CCDC62: variants seen among roughly 807,000 people sequenced by gnomAD.
The protein encoded by CCDC62 is coiled-coil domain-containing protein 62.
A neutral mutation model predicts 80.8 loss-of-function variants in CCDC62; 72 were observed. That is an observed-to-expected ratio of 0.89 (90% CI 0.74 to 1.08). The LOEUF is 1.08. Among genes scored for constraint, CCDC62 ranks in the 50% least tolerant of loss-of-function variants. CCDC62 has a pLI of 0.00. For missense variants in CCDC62, 704 were observed against 809.4 expected (o/e 0.87, Z 1.58); for synonymous variants, 286 against 296.5 (o/e 0.96, Z 0.36).
Position 122,785,746 on chromosome 12 carries a change from T to G in CCDC62, c.424T>G (p.Leu142Val). The G allele has an allele frequency of 6.2e-7, 1 of 1,613,794 alleles. No individual in the cohort carries two copies. The highest frequency in any genetic ancestry group is 8.5e-7 in the Non-Finnish European group (1 of 1,179,696). Residue 142 changes from leucine to valine, a missense_variant, in exon 4 of 13, where the codon TTA becomes GTA. Transcript: ENST00000253079. ...EARNETLSNT[L>V]VELSAQVGQL... ...TAGAAACGAAACTCTCAGCAACACGTTAGTGGAACTTTCTGCCCAGGTAGG... is the reference window on the plus strand; with the variant it reads ...TAGAAACGAAACTCTCAGCAACACGGTAGTGGAACTTTCTGCCCAGGTAGG...
intron 11 of CCDC62, among the ~76,000 whole-genome samples, chr12:122,822,058 TAA>T (rs1491357917): frequency 2.7e-4 from 5 of 18,316 alleles, no homozygotes; most frequent in Admixed American, 9.7e-4. Context: ...TCTATAAATT[TAA>T]ACACACACAC....
chr12:122,804,892 T>C (rs987035036), intron 9 of CCDC62, among the ~76,000 whole-genome samples: 25 of 150,842 alleles, frequency 1.7e-4, no homozygotes, highest in South Asian at 1.1e-3. Context: ...ATTTTTTTTT[T>C]TTTTTTTTTG....
chr12:122,813,294 G>A lies in CCDC62; in HGVS notation c.1876G>A (p.Asp626Asn). The A allele has an allele frequency of 6.2e-7, 1 of 1,613,088 alleles. No homozygotes were observed. The highest frequency in any genetic ancestry group is 8.5e-7 in the Non-Finnish European group (1 of 1,179,488). The change falls in exon 11 of 13, where the codon GAT (aspartate) becomes AAT (asparagine). Residue 626 changes from aspartate (D) to asparagine (N), a missense_variant. Transcript: ENST00000253079. ...GGCTTCAATTGTGTTACCCTCCCAG[G>A]ATGATTTCTCGCCCACGAGCAAGCT... ...EKASIVLPSQ[D>N]DFSPTSKLQR...
intron 1 of CCDC62, 34 bp downstream of exon 1, chr12:122,774,740 C>T (rs1436887792): frequency 1.6e-6 from 2 of 1,241,544 alleles, no homozygotes; most frequent in African/African-American, 1.6e-5. Context: ...CGGGGCGCCG[C>T]GGGAACGGTG....
chr12:122,789,209 C>G (rs1471504837), intron 5 of CCDC62, among the ~76,000 whole-genome samples: 3 of 152,148 alleles, frequency 2.0e-5, no homozygotes, highest in Non-Finnish European at 4.4e-5. Context: ...TGCTTTGTGG[C>G]AGACAACATC....
intron 2 of CCDC62, among the ~76,000 whole-genome samples, 196 bp from the exon 3 acceptor site, chr12:122,780,968 T>TCC (rs982449999): frequency 2.6e-5 from 4 of 152,186 alleles, no homozygotes; most frequent in African/African-American, 4.8e-5. Flanking sequence ...GGAAGTGACC[T>TCC]CCAGAGGCTT....
intron 10 of CCDC62, among the ~76,000 whole-genome samples, chr12:122,810,962 T>C (rs920633063): frequency 5.5e-5 from 8 of 146,744 alleles, no homozygotes; most frequent in African/African-American, 7.8e-5. Flanking sequence ...TAGGTGGGAA[T>C]TGAACAATGA....
chr12:122,818,158 A>G (rs2032245612), intron 11 of CCDC62, among the ~76,000 whole-genome samples: 1 of 152,112 alleles, frequency 6.6e-6, no homozygotes, highest in Non-Finnish European at 1.5e-5. Context: ...AAATTCAAAA[A>G]TTAGCTGGAT....
At chr12:122,825,575 C>T (rs1250702055) in intron 12 of CCDC62, among the ~76,000 whole-genome samples, 18 of 141,228 alleles carry the variant, frequency 1.3e-4, no homozygotes, top group African/African-American at 4.7e-4. Context: ...AGGCTGGTCT[C>T]GAACTCCTGA....
At chr12:122,792,174 C>G (rs1347865688) in intron 6 of CCDC62, 53 bp downstream of exon 6, 14 of 1,053,328 alleles carry the variant, frequency 1.3e-5, no homozygotes, top group Non-Finnish European at 2.1e-5. Flanking sequence ...TGATGACAGG[C>G]TGAAGGAATT....
chr12:122,796,008 G>C lies in CCDC62; in HGVS notation c.773-1299G>C, dbSNP rs2030932242. Among the ~76,000 whole-genome samples, 7 of 152,262 alleles carry C rather than the reference G, an allele frequency of 4.6e-5. No homozygotes were observed. The South Asian group carries it at 1.5e-3, about 32-fold the overall frequency. On this transcript the variant is annotated intron_variant, in intron 6 of 12. Coordinates refer to ENST00000253079, the MANE Select transcript of CCDC62 (RefSeq NM_201435.5). ...TTTCTGTGGCCAACTTGTGAAAATAGTCAGACCCAATCCACTTTGATCTCT... is the reference window on the plus strand; with the variant it reads ...TTTCTGTGGCCAACTTGTGAAAATACTCAGACCCAATCCACTTTGATCTCT...
intron 11 of CCDC62, among the ~76,000 whole-genome samples, chr12:122,820,835 T>G (rs2032377191): frequency 2.1e-5 from 1 of 48,282 alleles, no homozygotes; most frequent in South Asian, 5.9e-4. Flanking sequence ...AGCAAGACTC[T>G]GTCTCAAAAA....
intron 2 of CCDC62, among the ~76,000 whole-genome samples, chr12:122,780,614 A>AAAAATAAAATAAAATAAAATAAAAT (rs57578843): frequency 2.2e-5 from 3 of 136,470 alleles, no homozygotes; most frequent in African/African-American, 5.7e-5. Context: ...ACTCTGTCTC[A>AAAAATAAAATAAAATAAAATAAAAT]AAAATAAAAT....
At chr12:122,798,239 A>C (rs2031084705) in intron 8 of CCDC62, 39 bp downstream of exon 8, 1 of 970,770 alleles carries the variant, frequency 1.0e-6, no homozygotes, top group Admixed American at 1.8e-5. Context: ...ATCTTGTATT[A>C]TATTCCATCA....
intron 11 of CCDC62, among the ~76,000 whole-genome samples, chr12:122,819,855 G>A (rs1183025812): frequency 6.6e-6 from 1 of 151,996 alleles, no homozygotes; most frequent in Admixed American, 6.6e-5. Flanking sequence ...AGGAGTTCGA[G>A]ACCAGCCTGG....
chr12:122,783,819 C>T (rs894544957), intron 3 of CCDC62, among the ~76,000 whole-genome samples: 5 of 152,140 alleles, frequency 3.3e-5, no homozygotes, highest in African/African-American at 1.2e-4. Context: ...TATCCACACA[C>T]CCAGCCTTCC....
At chr12:122,790,290 C>A (rs1406445693) in intron 5 of CCDC62, among the ~76,000 whole-genome samples, 4 of 152,154 alleles carry the variant, frequency 2.6e-5, no homozygotes, top group African/African-American at 9.7e-5. Context: ...AGCTTGTGAT[C>A]CACCTGCCTC....
chr12:122,824,390 G>A (rs1444473943), intron 12 of CCDC62, among the ~76,000 whole-genome samples: 5 of 151,226 alleles, frequency 3.3e-5, no homozygotes, highest in Non-Finnish European at 7.4e-5. Context: ...CACTCCAGCC[G>A]GGCGACAATA....
At chr12:122,823,935 A>G (rs2032508967) in intron 12 of CCDC62, among the ~76,000 whole-genome samples, 1 of 152,006 alleles carries the variant, frequency 6.6e-6, no homozygotes, top group Admixed American at 6.6e-5. Flanking sequence ...GCAGTGAGCC[A>G]AGATGGCACC....
Sources: allele counts gnomAD v4.1 joint callset (sites outside exome capture counted in the v4.1 genomes callset), GRCh38; gene constraint gnomAD v4.1.1; transcripts MANE v1.5; gene names NCBI Gene and HGNC (gene_info 2026-07-23, HGNC 2026-07-21).